The following NEAT1 variants were observed in gnomAD, a reference collection of about 807,000 sequenced individuals.
NEAT1 encodes MENepsilon/beta.
At chr11:65,432,666 T>TTA (rs1856622911) in exon 1 of NEAT1, 2 of 149,058 alleles carry the variant, frequency 1.3e-5, no homozygotes, top group African/African-American at 5.1e-5. Flanking sequence ...TTTTTTTTCT[T>TTA]TATGTGTGTG....
chr11:65,434,816 C>A (rs1856644645), exon 1 of NEAT1: 1 of 152,084 alleles, frequency 6.6e-6, no homozygotes, highest in Admixed American at 6.6e-5. Context: ...TACGACGCTC[C>A]ATATATGAAA....
chr11:65,430,558 C>G (rs780063711), exon 1 of NEAT1: 2 of 152,080 alleles, frequency 1.3e-5, no homozygotes, highest in African/African-American at 2.4e-5. Context: ...TGTTCGTGCT[C>G]AAAAAAGATC....
chr11:65,435,683 A>C (rs1437210791), exon 1 of NEAT1: 1 of 152,134 alleles, frequency 6.6e-6, no homozygotes, highest in East Asian at 1.9e-4. Flanking sequence ...ATGGGTTGAA[A>C]GCACGTGCTG....
At chr11:65,444,601 G>A (rs765850602) in exon 1 of NEAT1, 8 of 456,586 alleles carry the variant, frequency 1.8e-5, no homozygotes, top group Admixed American at 7.7e-5. Flanking sequence ...CGGACCCGCC[G>A]TGGGCCCAGG....
exon 1 of NEAT1, chr11:65,429,497 C>CGT (rs35026443): frequency 0.62 from 90,428 of 146,898 alleles, 29,284 homozygotes; most frequent in Non-Finnish European, 0.72. Context: ...TGTGTGTGTG[C>CGT]GTGTGTGTGT....
chr11:65,442,677 C>G (rs1856725681), exon 1 of NEAT1: 1 of 152,148 alleles, frequency 6.6e-6, no homozygotes, highest in African/African-American at 2.4e-5. Context: ...GTCAGGAGTT[C>G]AATACCAGCC....
exon 1 of NEAT1, chr11:65,433,040 G>A (rs1326766836): frequency 6.8e-6 from 1 of 147,138 alleles, no homozygotes; most frequent in South Asian, 2.1e-4. Flanking sequence ...ACATTATTTT[G>A]TTCTTTTTTA....
chr11:65,438,954 C>A (rs1275010986), exon 1 of NEAT1: 1 of 152,208 alleles, frequency 6.6e-6, no homozygotes, highest in Non-Finnish European at 1.5e-5. Context: ...TTTTGAGGAA[C>A]TGCCAAACTA....
At chr11:65,423,075 C>G (rs1856514881) in exon 1 of NEAT1, 1 of 152,258 alleles carries the variant, frequency 6.6e-6, no homozygotes, top group Admixed American at 6.6e-5. Flanking sequence ...AACTTGACCT[C>G]TGGGAGGGCG....
chr11:65,438,786 A>T (rs1490255766), exon 1 of NEAT1: 1 of 152,194 alleles, frequency 6.6e-6, no homozygotes, highest in Non-Finnish European at 1.5e-5. Context: ...TTGTTTATTC[A>T]CACATCATTT....
chr11:65,426,285 C>T (rs1460861868), exon 1 of NEAT1: 1 of 152,100 alleles, frequency 6.6e-6, no homozygotes, highest in Non-Finnish European at 1.5e-5. Context: ...CAGTTCTTAA[C>T]CAATGACTTG....
chr11:65,428,961 A>AT (rs1430965498), exon 1 of NEAT1: 6 of 152,134 alleles, frequency 3.9e-5, no homozygotes, highest in Non-Finnish European at 5.9e-5. Flanking sequence ...TATGCATGGG[A>AT]TAAGTACATT....
At chr11:65,432,668 ATGTGTG>A (rs199736841) in exon 1 of NEAT1, 1 of 144,902 alleles carries the variant, frequency 6.9e-6, no homozygotes, top group African/African-American at 2.6e-5. Context: ...TTTTTTCTTT[ATGTGTG>A]TGTGTGTGTG....
exon 1 of NEAT1, chr11:65,435,307 A>G (rs1856648797): frequency 6.6e-6 from 1 of 152,228 alleles, no homozygotes; most frequent in Non-Finnish European, 1.5e-5. Flanking sequence ...GACCCCTAAG[A>G]TAACTACTAA....
exon 1 of NEAT1, chr11:65,422,840 G>C (rs1453171929): frequency 6.5e-6 from 1 of 152,916 alleles, no homozygotes; most frequent in East Asian, 1.9e-4. Flanking sequence ...GTGTAGTTGT[G>C]GGGGAGGAAG....
At chr11:65,430,107 T>C (rs1039737781) in exon 1 of NEAT1, 8 of 152,256 alleles carry the variant, frequency 5.3e-5, no homozygotes, top group Admixed American at 4.6e-4. Context: ...TGGGAGCAAG[T>C]TACTTAACCT....
At chr11:65,431,425 C>T (rs1856613007) in exon 1 of NEAT1, 1 of 152,044 alleles carries the variant, frequency 6.6e-6, no homozygotes, top group Admixed American at 6.6e-5. Flanking sequence ...AGTATATAGC[C>T]AGAAGTGGTA....
At chr11:65,437,215 A>G (rs897727501) in exon 1 of NEAT1, 77 of 142,278 alleles carry the variant, frequency 5.4e-4, no homozygotes, top group Middle Eastern at 3.6e-3. Context: ...ATATATGTAT[A>G]TATATATATA....
At chr11:65,444,612 G>A (rs1361505983) in exon 1 of NEAT1, 1 of 444,938 alleles carries the variant, frequency 2.2e-6, no homozygotes, top group East Asian at 7.1e-5. Flanking sequence ...TGGGCCCAGG[G>A]GAGGCAGAGC....
Sources: allele counts gnomAD v4.1 joint callset, GRCh38; gene constraint gnomAD v4.1.1; transcripts MANE v1.5; gene names NCBI Gene and HGNC (gene_info 2026-07-23, HGNC 2026-07-21).